The following LUZP2 variants were observed in gnomAD, a reference collection of about 807,000 sequenced individuals.
LUZP2 encodes leucine zipper protein 2.
In LUZP2, 52 loss-of-function variants were observed where a neutral mutation model predicts 51.6. That is an observed-to-expected ratio of 1.01 (90% CI 0.81 to 1.27). The LOEUF (loss-of-function observed/expected upper bound fraction) is 1.27. Ranked by LOEUF, LUZP2 falls within the 50% of genes most tolerant of loss-of-function variation. The pLI is 0.00. For synonymous variants in LUZP2, 154 were observed against 137.3 expected (o/e 1.12, Z -0.85); for missense variants, 436 against 395.4 (o/e 1.10, Z -0.87).
chr11:24,837,287 A>G (rs1850889044), intron 5 of LUZP2, among the ~76,000 whole-genome samples: 1 of 151,752 alleles, frequency 6.6e-6, no homozygotes, highest in Non-Finnish European at 1.5e-5. Flanking sequence ...AGAACACAAA[A>G]CAGATTTCAA....
chr11:24,502,390 G>T (rs1012384526), intron 1 of LUZP2, among the ~76,000 whole-genome samples: 3 of 151,502 alleles, frequency 2.0e-5, no homozygotes, highest in Non-Finnish European at 4.4e-5. Context: ...TTGTTTGTTT[G>T]TTTGTTTGTT....
chr11:24,711,239 G>C (rs1456572566), intron 1 of LUZP2, among the ~76,000 whole-genome samples: 5 of 151,782 alleles, frequency 3.3e-5, no homozygotes, highest in Non-Finnish European at 1.5e-5. Flanking sequence ...CACGAGGTCA[G>C]GAGATCGAGA....
At chr11:25,056,392 A>T (rs1055557701) in intron 10 of LUZP2, among the ~76,000 whole-genome samples, 2 of 152,122 alleles carry the variant, frequency 1.3e-5, no homozygotes, top group Admixed American at 6.5e-5. Flanking sequence ...TCAGGATTCT[A>T]TAATTATCAG....
At chr11:24,893,180 A>C (rs1049546451) in intron 5 of LUZP2, 1 of 152,204 alleles carries the variant, frequency 6.6e-6, no homozygotes, top group African/African-American at 2.4e-5. Context: ...ACTCATTATC[A>C]GGCATTTATT....
intron 1 of LUZP2, among the ~76,000 whole-genome samples, chr11:24,672,970 C>T (rs900327864): frequency 5.9e-5 from 9 of 152,158 alleles, no homozygotes; most frequent in African/African-American, 1.9e-4. Context: ...CTCATAAGAG[C>T]CTGAACCCTA....
At chr11:24,530,762 C>CTTTTTTTTTT (rs367857815) in intron 1 of LUZP2, among the ~76,000 whole-genome samples, 34 of 75,314 alleles carry the variant, frequency 4.5e-4, no homozygotes, top group Non-Finnish European at 7.0e-4. Flanking sequence ...CTTCTTCTTA[C>CTTTTTTTTTT]TTTTTTTTTT....
chr11:24,529,812 T>C (rs1275347406), intron 1 of LUZP2, among the ~76,000 whole-genome samples: 1 of 150,990 alleles, frequency 6.6e-6, no homozygotes, highest in Non-Finnish European at 1.5e-5. Context: ...ATAAACAAAA[T>C]CTATCAAACA....
At chr11:24,764,732 G>GT (rs1197849969) in intron 5 of LUZP2, among the ~76,000 whole-genome samples, 10 of 152,008 alleles carry the variant, frequency 6.6e-5, no homozygotes, top group Non-Finnish European at 1.5e-4. Context: ...GCTCATGCCT[G>GT]TAATCCCAGT....
intron 10 of LUZP2, among the ~76,000 whole-genome samples, chr11:25,060,895 C>T (rs954864739): frequency 6.6e-6 from 1 of 151,820 alleles, no homozygotes; most frequent in Admixed American, 6.6e-5. Flanking sequence ...TCATTGAATC[C>T]TTTGTCTATT....
chr11:24,558,678 A>G (rs1487391635), intron 1 of LUZP2, among the ~76,000 whole-genome samples: 1 of 152,196 alleles, frequency 6.6e-6, no homozygotes, highest in Non-Finnish European at 1.5e-5. Context: ...GGAAGTGATT[A>G]AGTCATGAGA....
chr11:24,980,912 C>T (rs1196689272), intron 8 of LUZP2, among the ~76,000 whole-genome samples: 1 of 151,832 alleles, frequency 6.6e-6, no homozygotes, highest in South Asian at 2.1e-4. Flanking sequence ...ATAAACAGGG[C>T]ATTTTCATTA....
chr11:24,968,459 T>G (rs1242660921), intron 7 of LUZP2, among the ~76,000 whole-genome samples: 1 of 152,204 alleles, frequency 6.6e-6, no homozygotes, highest in East Asian at 1.9e-4. Context: ...ATCTAAAGAC[T>G]GCTGTTTTGA....
At chr11:24,956,608 C>T (rs995293295) in intron 7 of LUZP2, among the ~76,000 whole-genome samples, 5 of 151,764 alleles carry the variant, frequency 3.3e-5, no homozygotes, top group South Asian at 2.1e-4. Context: ...GTTCTGTTCA[C>T]GGAAAACATG....
chr11:24,689,033 G>C (rs1219484231), intron 1 of LUZP2, among the ~76,000 whole-genome samples: 1 of 152,108 alleles, frequency 6.6e-6, no homozygotes, highest in Non-Finnish European at 1.5e-5. Context: ...TTCAGCCAAG[G>C]GGTATAAGGC....
chr11:24,521,308 G>A (rs1850632984), intron 1 of LUZP2, among the ~76,000 whole-genome samples: 1 of 120,096 alleles, frequency 8.3e-6, no homozygotes, highest in African/African-American at 3.3e-5. Flanking sequence ...CTGAGATCAT[G>A]CCATTGCACT....
intron 1 of LUZP2, among the ~76,000 whole-genome samples, chr11:24,601,980 ATATATATGTG>A (rs1365576739): frequency 5.9e-4 from 38 of 64,712 alleles, no homozygotes; most frequent in Admixed American, 1.5e-3. Context: ...GTGTATATGT[ATATATATGTG>A]TATATATGTA....
At chr11:24,511,797 G>A (rs778202233) in intron 1 of LUZP2, among the ~76,000 whole-genome samples, 1 of 152,090 alleles carries the variant, frequency 6.6e-6, no homozygotes, top group Non-Finnish European at 1.5e-5. Context: ...AACTTTTTCC[G>A]ATGAGTGGAA....
At chr11:24,568,837 A>T (rs12573929) in intron 1 of LUZP2, among the ~76,000 whole-genome samples, 29,088 of 151,868 alleles carry the variant, frequency 0.19, 3,425 homozygotes, top group Middle Eastern at 0.34. Context: ...TATTTGATGG[A>T]GATGGTAAAT....
At chr11:24,808,300 C>T (rs909845962) in intron 5 of LUZP2, among the ~76,000 whole-genome samples, 4 of 152,042 alleles carry the variant, frequency 2.6e-5, no homozygotes, top group Non-Finnish European at 5.9e-5. Flanking sequence ...TTAACTCATG[C>T]TTTTGTGAAG....
Sources: gnomAD v4.1 joint callset for allele counts (sites outside exome capture counted in the v4.1 genomes callset) on GRCh38, gnomAD v4.1.1 for gene constraint, MANE v1.5 for transcripts, NCBI Gene and HGNC (gene_info 2026-07-23, HGNC 2026-07-21) for gene names.